Variants in SSR1 observed in about 807,000 individuals in gnomAD.
SSR1 encodes the protein translocon-associated protein subunit alpha.
A neutral mutation model predicts 36.1 loss-of-function variants in SSR1; 13 were observed. The observed-to-expected ratio is 0.36, with a 90% CI of 0.23 to 0.57. SSR1 has a LOEUF of 0.57. Among genes scored for constraint, SSR1 ranks in the 20% least tolerant of loss-of-function variants. The pLI, the probability that SSR1 is intolerant of heterozygous loss-of-function variation, is 0.81. For missense variants in SSR1, 291 were observed against 338.5 expected, an observed-to-expected ratio of 0.86 and a Z score of 1.10; for synonymous variants, 113 against 118.9, an observed-to-expected ratio of 0.95 and a Z score of 0.32.
At chr6:7,291,798 A>G (rs976243710) in intron 7 of SSR1, among the ~76,000 whole-genome samples, 1 of 152,188 alleles carries the variant, frequency 6.6e-6, no homozygotes, top group Non-Finnish European at 1.5e-5. Flanking sequence ...TGAGCTGGGC[A>G]TGGTGGCTCA....
intron 2 of SSR1, among the ~76,000 whole-genome samples, chr6:7,306,219 T>C (rs1342087365): frequency 6.6e-6 from 1 of 152,210 alleles, no homozygotes; most frequent in African/African-American, 2.4e-5. Context: ...CTCAGCTCAC[T>C]GTAAGCTCTG....
intron 1 of SSR1, among the ~76,000 whole-genome samples, chr6:7,311,962 G>A (rs1250834584): frequency 6.6e-6 from 1 of 152,160 alleles, no homozygotes; most frequent in African/African-American, 2.4e-5. Flanking sequence ...TGTTAAACCT[G>A]CAGATTAACT....
intron 7 of SSR1, among the ~76,000 whole-genome samples, chr6:7,293,989 T>C (rs551349587): frequency 6.6e-6 from 1 of 152,298 alleles, no homozygotes; most frequent in South Asian, 2.1e-4. Flanking sequence ...TACCTTTTTT[T>C]CCCCTTTTAG....
intron 6 of SSR1, among the ~76,000 whole-genome samples, chr6:7,296,076 CA>C (rs1002523075): frequency 1.6e-4 from 25 of 152,190 alleles, no homozygotes; most frequent in African/African-American, 5.5e-4. Context: ...TTGGCACAGA[CA>C]AAACAAAACG....
chr6:7,306,776 T>C (rs1474694187), intron 2 of SSR1, among the ~76,000 whole-genome samples: 38 of 151,026 alleles, frequency 2.5e-4, no homozygotes, highest in South Asian at 4.2e-4. Flanking sequence ...ATTAGCCGGG[T>C]GTGGTGGCGG....
At position 7,301,318 on chromosome 6, in the gene SSR1, C is replaced by T; in HGVS notation, c.535G>A (p.Asp179Asn). 1 of 1,613,566 alleles carries T rather than the reference C, an allele frequency of 6.2e-7. No individual in the cohort carries two copies. Among genetic ancestry groups the T allele is most frequent in the Non-Finnish European group, 8.5e-7 (1 of 1,179,866 alleles). Residue 179 changes from aspartate to asparagine, a missense_variant, in exon 4 of 8, where the codon GAT becomes AAT. Asp to Asn is a conservative substitution (Grantham distance 23). Transcript: ENST00000244763. ...FGLVINLNYK[D>N]LNGNVFQDAV... ...GGTTTAGAGGATCTTACGTTCAAAT[C>T]TTTGTAGTTCAGATTGATGACCAAA...
chr6:7,313,105 G>C lies in SSR1; in HGVS notation c.16C>G (p.Arg6Gly), dbSNP rs62624976. The C allele has an allele frequency of 0.048, 76,881 of 1,606,478 alleles. 2,230 individuals carry two copies. Among genetic ancestry groups the C allele is most frequent in the Non-Finnish European group, 0.056 (65,462 of 1,176,210 alleles). The change falls in exon 1 of 8, where the codon CGC (arginine) becomes GGC (glycine). Residue 6 changes from arginine (R) to glycine (G), a missense_variant. Transcript: ENST00000244763. Reference protein sequence around the residue: MRLLPRLLLLLLLVFP... With the variant: MRLLPGLLLLLLLVFP... Reference sequence around the variant, plus strand: ...ACGAGTAAGAGAAGCAGCAGCAAGCGGGGGAGGAGTCTCATGGCGCTGCCG... The same window carrying C: ...ACGAGTAAGAGAAGCAGCAGCAAGCCGGGGAGGAGTCTCATGGCGCTGCCG...
At chr6:7,299,682 C>T (rs564294784) in intron 4 of SSR1, among the ~76,000 whole-genome samples, 1 of 149,010 alleles carries the variant, frequency 6.7e-6, no homozygotes, top group East Asian at 1.9e-4. Flanking sequence ...GAGCGAAACT[C>T]CCACCTCAAA....
chr6:7,290,812 G>GA (rs945095515), intron 7 of SSR1, among the ~76,000 whole-genome samples: 68 of 149,192 alleles, frequency 4.6e-4, no homozygotes, highest in African/African-American at 1.1e-3. Flanking sequence ...TCATAAAATG[G>GA]AAAAAAAAAA....
chr6:7,302,241 C>T (rs1451365007), intron 3 of SSR1, among the ~76,000 whole-genome samples: 1 of 152,192 alleles, frequency 6.6e-6, no homozygotes, highest in African/African-American at 2.4e-5. Flanking sequence ...CAGTAGTCTA[C>T]AAAGCTGAGT....
intron 1 of SSR1, among the ~76,000 whole-genome samples, chr6:7,310,478 C>A (rs768452963): frequency 1.3e-5 from 2 of 152,050 alleles, no homozygotes; most frequent in African/African-American, 4.8e-5. Flanking sequence ...ACTAAAGATG[C>A]CTTGAAGCAC....
At chr6:7,298,650 C>T in intron 5 of SSR1, 97 bp downstream of exon 5, 1 of 858,138 alleles carries the variant, frequency 1.2e-6, no homozygotes. Flanking sequence ...ACAGTTCATT[C>T]CATCGTCAAC....
Position 7,289,624 on chromosome 6 carries a change from A to G in SSR1, c.*240T>C, listed in dbSNP as rs1386767293. ...GATTCTGGTAAGACCAACTGCTCAC[A>G]TACATACACACGCACACACATAGAT... On this transcript the variant is annotated 3_prime_UTR_variant, in exon 8 of 8. Coordinates refer to ENST00000244763, the MANE Select transcript of SSR1 (RefSeq NM_003144.5). 2.0e-6 allele frequency: 1 copy of G among 506,552 alleles called. No individual in the cohort carries two copies. The highest frequency in any genetic ancestry group is 3.4e-6 in the Non-Finnish European group (1 of 292,976). The allele number at this position is 506,552 out of a possible 1,614,324, so 31.4% of individuals were successfully genotyped here. A position where few individuals can be genotyped will look rare whatever the true frequency, so the allele number is the denominator to read the frequency against.
In SSR1 at chr6:7,312,747, C is replaced by G. The variant is rs543336809; in HGVS notation, c.79+295G>C. On this transcript the variant is annotated intron_variant, in intron 1 of 7. Transcript: ENST00000244763. ...CGAGGACCCTCCAGTTCTGGCCGCT[C>G]CTGCAGGCGAGGGTCCAGGGCAAGA... Among the ~76,000 whole-genome samples, 4 of 152,324 alleles carry G rather than the reference C, an allele frequency of 2.6e-5. No homozygotes were observed. In the South Asian group the frequency reaches 8.3e-4, roughly 32 times the overall value.
In SSR1 at chr6:7,308,959, C is replaced by A. The variant is rs563413955; in HGVS notation, c.192+958G>T. Among the ~76,000 whole-genome samples, 11 of 152,250 alleles carry A rather than the reference C, an allele frequency of 7.2e-5. No individual in the cohort carries two copies. The East Asian group carries it at 2.1e-3, about 29-fold the overall frequency. On this transcript the variant is annotated intron_variant, in intron 2 of 7. Coordinates refer to ENST00000244763, the MANE Select transcript of SSR1 (RefSeq NM_003144.5). ...TTCCAAATCTATGAAACCATGAGGTCCAGTGCTATTTCTACTATGTTGTTA... is the reference window on the plus strand; with the variant it reads ...TTCCAAATCTATGAAACCATGAGGTACAGTGCTATTTCTACTATGTTGTTA...
At chr6:7,290,257 C>T (rs559534259) in intron 7 of SSR1, among the ~76,000 whole-genome samples, 23 of 152,322 alleles carry the variant, frequency 1.5e-4, no homozygotes, top group African/African-American at 3.6e-4. Context: ...CATAAGTAAA[C>T]GCTTAAAAAC....
At chr6:7,308,281 A>G (rs1758114788) in intron 2 of SSR1, among the ~76,000 whole-genome samples, 1 of 152,230 alleles carries the variant, frequency 6.6e-6, no homozygotes, top group Non-Finnish European at 1.5e-5. Context: ...CATAAAAATG[A>G]TAACTCAAAA....
At chr6:7,306,352 C>T (rs1291460492) in intron 2 of SSR1, among the ~76,000 whole-genome samples, 2 of 151,790 alleles carry the variant, frequency 1.3e-5, no homozygotes, top group African/African-American at 4.8e-5. Flanking sequence ...ACCATGTTAG[C>T]CAGGATGGTC....
At position 7,281,468 on chromosome 6, in the gene SSR1, T is replaced by C. The variant is rs1040116430; in HGVS notation, c.*8396A>G. 8 of 152,348 alleles carry C rather than the reference T, an allele frequency of 5.3e-5. No homozygotes were observed. Among genetic ancestry groups the C allele is most frequent in the African/African-American group, 1.7e-4 (7 of 41,584 alleles). 9.4% of individuals were successfully genotyped at this position (152,348 alleles called of 1,614,324 possible). On this transcript the variant is annotated 3_prime_UTR_variant, in exon 8 of 8. Transcript: ENST00000244763. Reference sequence around the variant, plus strand: ...CTAAGATATGCTGACAGAAATCACATTGAGTTTGCAAGCACTCAAATAGAA... The same window carrying C: ...CTAAGATATGCTGACAGAAATCACACTGAGTTTGCAAGCACTCAAATAGAA...
Sources: gnomAD v4.1 joint callset for allele counts (sites outside exome capture counted in the v4.1 genomes callset) on GRCh38, gnomAD v4.1.1 for gene constraint, MANE v1.5 for transcripts, NCBI Gene and HGNC (gene_info 2026-07-23, HGNC 2026-07-21) for gene names.